The following CDH1 variants were observed in gnomAD, a reference collection of about 807,000 sequenced individuals.
The protein encoded by CDH1 is cadherin 1.
CDH1 carries 35 observed loss-of-function variants against 84.5 expected under a neutral mutation model. The observed-to-expected ratio is 0.41, with a 90% CI of 0.32 to 0.55. CDH1 has a LOEUF of 0.55. Among genes scored for constraint, CDH1 ranks in the 20% least tolerant of loss-of-function variants. The pLI, the probability that CDH1 is intolerant of heterozygous loss-of-function variation, is 0.19. For synonymous variants in CDH1, 417 were observed against 439.0 expected, an observed-to-expected ratio of 0.95 and a Z score of 0.63; for missense variants, 994 against 1,126.6, an observed-to-expected ratio of 0.88 and a Z score of 1.68.
chr16:68,759,478 C>A (rs1036880617), intron 2 of CDH1, among the ~76,000 whole-genome samples: 2 of 146,352 alleles, frequency 1.4e-5, no homozygotes, highest in South Asian at 4.3e-4. Flanking sequence ...ATTCCATTTT[C>A]TTTTCTTTCT....
intron 2 of CDH1, among the ~76,000 whole-genome samples, chr16:68,786,617 A>C (rs1467444181): frequency 7.0e-6 from 1 of 141,896 alleles, no homozygotes; most frequent in East Asian, 2.1e-4. Flanking sequence ...GCCAAGGCAC[A>C]CATATAGTCT....
chr16:68,804,401 C>T (rs1380127570), intron 3 of CDH1, among the ~76,000 whole-genome samples: 1 of 152,124 alleles, frequency 6.6e-6, no homozygotes, highest in Non-Finnish European at 1.5e-5. Context: ...GTGTGAGCCA[C>T]TGCGCCCGGC....
intron 2 of CDH1, among the ~76,000 whole-genome samples, chr16:68,795,539 C>T (rs752278851): frequency 6.6e-6 from 1 of 151,766 alleles, no homozygotes; most frequent in East Asian, 2.0e-4. Context: ...CTGTCACCTA[C>T]ACTGGAGCGC....
intron 2 of CDH1, among the ~76,000 whole-genome samples, chr16:68,780,599 A>T (rs2113199): frequency 1.3e-5 from 2 of 151,934 alleles, no homozygotes; most frequent in African/African-American, 4.8e-5. Flanking sequence ...CACCTGTTCT[A>T]TTGTTTTCTC....
At chr16:68,741,072 G>A (rs776579630) in intron 2 of CDH1, among the ~76,000 whole-genome samples, 34 of 151,636 alleles carry the variant, frequency 2.2e-4, no homozygotes, top group Non-Finnish European at 4.4e-4. Context: ...GGTCAGACCC[G>A]GGGGAGGTGG....
At chr16:68,766,624 A>G (rs1450123751) in intron 2 of CDH1, among the ~76,000 whole-genome samples, 5 of 152,210 alleles carry the variant, frequency 3.3e-5, no homozygotes, top group Non-Finnish European at 7.3e-5. Flanking sequence ...CATAATTGCT[A>G]TTATTATTAA....
intron 7 of CDH1, 131 bp downstream of exon 7, chr16:68,811,990 TGTGCCC>T: frequency 6.8e-6 from 10 of 1,468,770 alleles, no homozygotes; most frequent in Non-Finnish European, 9.5e-6. Context: ...CATCTAAGCT[TGTGCCC>T]AGAGGTTCCG....
chr16:68,760,087 T>TATATA (rs1555511679), intron 2 of CDH1, among the ~76,000 whole-genome samples: 30,597 of 102,656 alleles, frequency 0.3, 3,930 homozygotes, highest in Non-Finnish European at 0.38. Context: ...TATATATATA[T>TATATA]TTTTTTTTTT....
At chr16:68,823,670 T>A in intron 13 of CDH1, 44 bp downstream of exon 13, 1 of 1,278,072 alleles carries the variant, frequency 7.8e-7, no homozygotes, top group Non-Finnish European at 1.1e-6. Flanking sequence ...CTTAAAAAAA[T>A]GGAGGAGGTT....
rs786203728 is a variant in CDH1 at position 68,811,841 on chromosome 16, C to T, written c.990C>T (p.Thr330=). Residue 330 remains threonine (T), a synonymous_variant, in exon 7 of 16, where the codon ACC becomes ACT. Coordinates refer to ENST00000261769, the MANE Select transcript of CDH1 (RefSeq NM_004360.5). ...NRNTGVISVV[T]TGLDRESFPT... ...ACACAGGAGTCATCAGTGTGGTCAC[C>T]ACTGGGCTGGACCGAGAGGTCAGGG... is the stretch of plus-strand genomic sequence containing the variant. 1.9e-6 allele frequency: 3 copies of T among 1,613,992 alleles called. No homozygotes were observed. Among genetic ancestry groups the T allele is most frequent in the Non-Finnish European group, 8.5e-7 (1 of 1,180,026 alleles).
chr16:68,769,127 G>T (rs575419817), intron 2 of CDH1, among the ~76,000 whole-genome samples: 1 of 152,128 alleles, frequency 6.6e-6, no homozygotes, highest in African/African-American at 2.4e-5. Flanking sequence ...AGCTCCTTGA[G>T]GGTGGGTCTG....
intron 10 of CDH1, among the ~76,000 whole-genome samples, chr16:68,818,692 A>G (rs1174831832): frequency 6.6e-6 from 1 of 150,914 alleles, no homozygotes; most frequent in African/African-American, 2.4e-5. Flanking sequence ...AACTAACAAT[A>G]CAAAAAAATT....
intron 3 of CDH1, among the ~76,000 whole-genome samples, chr16:68,804,408 C>T (rs544096673): frequency 1.3e-5 from 2 of 152,058 alleles, no homozygotes; most frequent in Non-Finnish European, 2.9e-5. Context: ...CCACTGCGCC[C>T]GGCCCTATCT....
In CDH1 at chr16:68,776,526, AT is replaced by A. The variant is rs1033120890; in HGVS notation, c.164-25136del. Among the ~76,000 whole-genome samples, 31 of 151,904 alleles carry A rather than the reference AT, an allele frequency of 2.0e-4. 1 individual carries two copies. Among genetic ancestry groups the A allele is most frequent in the African/African-American group, 7.5e-4 (31 of 41,304 alleles). ...TTTACTTAGTAAAATCTCATTAAAA[AT>A]TTTTTTTAAATAGTATGTTTTGTAG... On this transcript the variant is annotated intron_variant, in intron 2 of 15. Transcript: ENST00000261769.
rs1308439785 is a variant in CDH1, at chr16:68,808,753, G to C, written c.592G>C (p.Asp198His). 6.2e-7 allele frequency: 1 copy of C among 1,614,174 alleles called. No individual in the cohort carries two copies. Among genetic ancestry groups the C allele is most frequent in the Non-Finnish European group, 8.5e-7 (1 of 1,180,020 alleles). Residue 198 changes from aspartate to histidine, a missense_variant, in exon 5 of 16, where the codon GAC becomes CAC. Physicochemically the swap from Asp to His is moderately conservative, Grantham distance 81. Around this residue, in one of 3 missense-constraint regions of CDH1, gnomAD observed 769 missense variants for 881.8 expected, o/e 0.87. Coordinates refer to ENST00000261769, the MANE Select transcript of CDH1 (RefSeq NM_004360.5). ...CTACAGCATCACTGGCCAAGGAGCT[G>C]ACACACCCCCTGTTGGTGTCTTTAT... is the stretch of plus-strand genomic sequence containing the variant. ...VFYSITGQGA[D>H]TPPVGVFIIE...
intron 2 of CDH1, among the ~76,000 whole-genome samples, chr16:68,799,677 G>A (rs557661724): frequency 6.7e-4 from 102 of 152,154 alleles, no homozygotes; most frequent in Admixed American, 1.2e-3. Flanking sequence ...TAGATTATAG[G>A]TATAATCTAT....
intron 9 of CDH1, among the ~76,000 whole-genome samples, chr16:68,813,745 G>C (rs1008703645): frequency 6.6e-6 from 1 of 150,634 alleles, no homozygotes; most frequent in African/African-American, 2.4e-5. Context: ...GGCAGATCAC[G>C]AGGTCAGGAG....
chr16:68,738,525 A>G, intron 2 of CDH1, 114 bp downstream of exon 2: 2 of 649,556 alleles, frequency 3.1e-6, no homozygotes, highest in Non-Finnish European at 5.3e-6. Context: ...CCTTGGCTCA[A>G]ACGACACCCC....
intron 2 of CDH1, among the ~76,000 whole-genome samples, chr16:68,758,150 C>A (rs1400310350): frequency 6.7e-6 from 1 of 148,448 alleles, no homozygotes; most frequent in Non-Finnish European, 1.5e-5. Context: ...TTTTTTGTGT[C>A]CCTCCCCTCT....
Sources: gnomAD v4.1 joint callset for allele counts (sites outside exome capture counted in the v4.1 genomes callset) on GRCh38, gnomAD v4.1.1 for gene constraint, gnomAD v4.1.1 regional missense constraint, MANE v1.5 for transcripts, NCBI Gene and HGNC (gene_info 2026-07-23, HGNC 2026-07-21) for gene names.